Variants in NOS3 observed in about 807,000 individuals in gnomAD.
The protein encoded by NOS3 is NOS type III.
In NOS3, 98 loss-of-function variants were observed where a neutral mutation model predicts 144.9. That is an observed-to-expected ratio of 0.68 (90% CI 0.57 to 0.80). The LOEUF (loss-of-function observed/expected upper bound fraction) is 0.80, where lower values mean the gene tolerates loss of function less well. Ranked by LOEUF, NOS3 falls within the 30% of genes least tolerant of loss-of-function variation. The pLI is 0.00. For missense variants in NOS3, 1,465 were observed against 1,656.4 expected, an observed-to-expected ratio of 0.88 and a Z score of 2.01; for synonymous variants, 714 against 702.4, an observed-to-expected ratio of 1.02 and a Z score of -0.26.
chr7:150,994,859 A>G (rs1315027926), intron 2 of NOS3, among the ~76,000 whole-genome samples: 1 of 152,176 alleles, frequency 6.6e-6, no homozygotes, highest in Admixed American at 6.5e-5. Context: ...CCTCCACTCA[A>G]GCACCAGGCT....
Position 150,998,443 on chromosome 7 carries a change from C to G in NOS3, c.669C>G (p.Asn223Lys), listed in dbSNP as rs753279569. The G allele has an allele frequency of 6.2e-7, 1 of 1,612,300 alleles. No individual in the cohort carries two copies. The highest frequency in any genetic ancestry group is 2.2e-5 in the East Asian group (1 of 44,884). The change falls in exon 6 of 27, where the codon AAC (asparagine) becomes AAG (lysine). Residue 223 changes from asparagine to lysine, a missense_variant. This residue lies in a region of NOS3 where 374 missense variants were observed against 377.0 expected (regional missense o/e 0.99). Transcript: ENST00000297494. This position sits in a 1 kb window ranked among gnomAD's most constrained non-coding sequence, Gnocchi z 5.0. ...NHIKYATNRG[N>K]LRSAITVFPQ... ...TCAAGTATGCCACCAACCGGGGCAA[C>G]CTTCGGTGAGTGCCCCCCACCATGC...
chr7:151,010,820 G>A lies in NOS3; in HGVS notation c.2896+13G>A, dbSNP rs759356575. 3 of 1,608,238 alleles carry A rather than the reference G, an allele frequency of 1.9e-6. No homozygotes were observed. In the Admixed American group the frequency reaches 5.0e-5, roughly 27 times the overall value. ...TACAGGACTCAGGGTGAGGCAACAA[G>A]CAGGAGCAGGCCTGGCCACAGCAGG... On this transcript the variant is annotated intron_variant, in intron 22 of 26. Coordinates refer to ENST00000297494, the MANE Select transcript of NOS3 (RefSeq NM_000603.5).
Position 151,003,182 on chromosome 7 carries a change from G to A in NOS3, c.1752+878G>A, listed in dbSNP as rs756114629. On this transcript the variant is annotated intron_variant, in intron 14 of 26. Transcript: ENST00000297494. This position sits in a 1 kb window ranked among gnomAD's most constrained non-coding sequence, Gnocchi z 4.1. ...ACTTTGTGGCCCAGGCTGGAGTGCA[G>A]TAGTACAATCACGGCTCACTGCAGC... is the stretch of plus-strand genomic sequence containing the variant. 2 of 453,610 alleles carry A rather than the reference G, an allele frequency of 4.4e-6. No homozygotes were observed. Among genetic ancestry groups the A allele is most frequent in the South Asian group, 3.1e-5 (2 of 64,324 alleles). 28.1% of individuals were successfully genotyped at this position (453,610 alleles called of 1,614,324 possible). A position where few individuals can be genotyped will look rare whatever the true frequency, so the allele number is the denominator to read the frequency against.
chr7:151,012,706 G>A (rs1795332699), intron 24 of NOS3: 2 of 481,308 alleles, frequency 4.2e-6, no homozygotes, highest in Admixed American at 3.4e-5. Flanking sequence ...GAGGACAAAG[G>A]AAAATAGAAT....
chr7:151,008,731 G>A, intron 17 of NOS3, 199 bp from the exon 18 acceptor site: 1 of 583,142 alleles, frequency 1.7e-6, no homozygotes, highest in South Asian at 2.5e-5. Context: ...GACGTGCAGA[G>A]AAAGAGCCAG....
chr7:151,013,775 G>T lies in NOS3; in HGVS notation c.3307G>T (p.Val1103Leu). ...GGAGCTGGCTGCGGAGGTGCACCGC[G>T]TGCTGTGCCTCGAGCGGGGCCACAT... Reference protein sequence around the residue: ...RTELAAEVHRVLCLERGHMFV... With the variant: ...RTELAAEVHRLLCLERGHMFV... Residue 1103 changes from valine (V) to leucine (L), a missense_variant, in exon 26 of 27, where the codon GTG becomes TTG. Transcript: ENST00000297494. The T allele has an allele frequency of 6.2e-7, 1 of 1,611,642 alleles. No individual in the cohort carries two copies. Among genetic ancestry groups the T allele is most frequent in the Non-Finnish European group, 8.5e-7 (1 of 1,179,410 alleles).
intron 23 of NOS3, 140 bp from the exon 24 acceptor site, chr7:151,012,211 G>GTGGTTTTTTTTTTTTTTTT: frequency 1.4e-6 from 1 of 689,920 alleles, no homozygotes; most frequent in Non-Finnish European, 2.3e-6. Flanking sequence ...AAGTAGAGTT[G>GTGGTTTTTTTTTTTTTTTT]TTTTTTGTTT....
rs748988376 is a variant in NOS3 at position 150,999,324 on chromosome 7, C to T, written c.1091C>T (p.Thr364Met). The T allele has an allele frequency of 1.1e-5, 18 of 1,604,964 alleles. No individual in the cohort carries two copies. The East Asian group carries it at 1.3e-4, about 12-fold the overall frequency. Residue 364 changes from threonine (T) to methionine (M), a missense_variant, in exon 9 of 27, where the codon ACG (threonine) becomes ATG (methionine). Thr to Met is a moderately conservative substitution (Grantham distance 81). This residue lies in a region of NOS3 where 745 missense variants were observed against 853.9 expected (regional missense o/e 0.87). Coordinates refer to ENST00000297494, the MANE Select transcript of NOS3 (RefSeq NM_000603.5). Reference protein sequence around the residue: ...SGWYMSTEIGTRNLCDPHRYN... With the variant: ...SGWYMSTEIGMRNLCDPHRYN... ...TGGTACATGAGCACTGAGATCGGCA[C>T]GAGGAACCTGTGTGACCCTCACCGC...
chr7:150,992,147 T>TA (rs11371169), intron 1 of NOS3, among the ~76,000 whole-genome samples: 103,003 of 143,620 alleles, frequency 0.72, 37,616 homozygotes, highest in East Asian at 0.88. Flanking sequence ...AGACTCTGTC[T>TA]AAAAAAAAAA....
chr7:150,999,331 C>A lies in NOS3; in HGVS notation c.1098C>A (p.Asn366Lys), dbSNP rs1345105436. Residue 366 changes from asparagine (N) to lysine (K), a missense_variant, in exon 9 of 27, where the codon AAC (asparagine) becomes AAA (lysine). This residue lies in a region of NOS3 where 745 missense variants were observed against 853.9 expected (regional missense o/e 0.87). Coordinates refer to ENST00000297494, the MANE Select transcript of NOS3 (RefSeq NM_000603.5). ...WYMSTEIGTR[N>K]LCDPHRYNIL... Reference sequence around the variant, plus strand: ...TGAGCACTGAGATCGGCACGAGGAACCTGTGTGACCCTCACCGCTACAACA... The same window carrying A: ...TGAGCACTGAGATCGGCACGAGGAAACTGTGTGACCCTCACCGCTACAACA... 9 of 1,597,752 alleles carry A rather than the reference C, an allele frequency of 5.6e-6. No homozygotes were observed. Among genetic ancestry groups the A allele is most frequent in the African/African-American group, 1.3e-5 (1 of 74,400 alleles).
chr7:150,995,355 G>C, intron 3 of NOS3, 41 bp downstream of exon 3: 1 of 1,413,084 alleles, frequency 7.1e-7, no homozygotes, highest in Non-Finnish European at 9.9e-7. Flanking sequence ...TCCAGGGAAA[G>C]GGTGGGTAAG....
At chr7:151,013,203 G>A (rs201976867) in intron 24 of NOS3, 28 bp from the exon 25 acceptor site, 3 of 1,600,768 alleles carry the variant, frequency 1.9e-6, no homozygotes, top group South Asian at 2.2e-5. Context: ...CCGGAGAAGA[G>A]CCTTCCCAAG....
In NOS3 at chr7:151,003,521, T is replaced by C; in HGVS notation, c.1752+1217T>C. 1 of 1,263,284 alleles carries C rather than the reference T, an allele frequency of 7.9e-7. No individual in the cohort carries two copies. The highest frequency in any genetic ancestry group is 1.0e-6 in the Non-Finnish European group (1 of 967,382). The allele number at this position is 1,263,284 out of a possible 1,614,324, so 78.3% of individuals were successfully genotyped here. A position where few individuals can be genotyped will look rare whatever the true frequency, so the allele number is the denominator to read the frequency against. ...TTCTGACCTACCTTTTCAAGAAAAATAGCACCAGCAATTGACTTTTTTTTA... is the reference window on the plus strand; with the variant it reads ...TTCTGACCTACCTTTTCAAGAAAAACAGCACCAGCAATTGACTTTTTTTTA... On this transcript the variant is annotated intron_variant, in intron 14 of 26. Transcript: ENST00000297494. The surrounding 1 kb of genome is among the most constrained non-coding windows in gnomAD (Gnocchi z 4.1).
rs1291930138 is a variant in NOS3, at chr7:151,009,387, C to T, written c.2325-11C>T. 3.5e-6 allele frequency: 5 copies of T among 1,429,882 alleles called. No individual in the cohort carries two copies. Among genetic ancestry groups the T allele is most frequent in the Middle Eastern group, 3.6e-4 (2 of 5,514 alleles). 88.6% of individuals were successfully genotyped at this position (1,429,882 alleles called of 1,614,324 possible). A position where few individuals can be genotyped will look rare whatever the true frequency, so the allele number is the denominator to read the frequency against. ...CTGACTCCCCATAAGTGCCCCTCTCCCCACCCCCAGGAGGGCCACCATCCT... is the reference window on the plus strand; with the variant it reads ...CTGACTCCCCATAAGTGCCCCTCTCTCCACCCCCAGGAGGGCCACCATCCT... On this transcript the variant is annotated splice_polypyrimidine_tract_variant and intron_variant, in intron 19 of 26. Transcript: ENST00000297494.
At chr7:151,010,830 G>A (rs1465539744) in intron 22 of NOS3, 23 bp downstream of exon 22, 9 of 1,607,610 alleles carry the variant, frequency 5.6e-6, no homozygotes, top group Non-Finnish European at 7.6e-6. Context: ...GCAGGAGCAG[G>A]CCTGGCCACA....
rs570991376 is a variant in NOS3, at chr7:151,013,158, G to T, written c.3107-73G>T. On this transcript the variant is annotated intron_variant, in intron 24 of 26. Transcript: ENST00000297494. The stretch of plus-strand genomic sequence containing the variant: ...ACGCTGGGCTGCCAGGCTGGGCGAC[G>T]GTGGCCTGTGGGGAGGCCCCACTAG... 206 of 1,508,186 alleles carry T rather than the reference G, an allele frequency of 1.4e-4. 1 individual carries two copies. The African/African-American group carries it at 2.6e-3, about 19-fold the overall frequency. The allele number at this position is 1,508,186 out of a possible 1,614,324, so 93.4% of individuals were successfully genotyped here. A position where few individuals can be genotyped will look rare whatever the true frequency, so the allele number is the denominator to read the frequency against.
chr7:151,000,879 A>C (rs1795074015), intron 10 of NOS3, among the ~76,000 whole-genome samples: 1 of 152,160 alleles, frequency 6.6e-6, no homozygotes, highest in South Asian at 2.1e-4. Context: ...TGGGTATTGC[A>C]GTTTGTGGGA....
At chr7:151,006,817 TG>T in intron 15 of NOS3, 71 bp from the exon 16 acceptor site, 2 of 1,231,238 alleles carry the variant, frequency 1.6e-6, no homozygotes, top group Non-Finnish European at 2.4e-6. Context: ...AAGCCGTCCC[TG>T]GGGCTGGGGC....
intron 24 of NOS3, 159 bp downstream of exon 24, chr7:151,012,631 G>A (rs1408393393): frequency 2.4e-6 from 2 of 830,324 alleles, no homozygotes; most frequent in Non-Finnish European, 3.6e-6. Flanking sequence ...GGTACCAAAG[G>A]CAAGGGCTGG....
Sources: allele counts gnomAD v4.1 joint callset (sites outside exome capture counted in the v4.1 genomes callset), GRCh38; gene constraint gnomAD v4.1.1; regional missense constraint gnomAD v4.1.1; non-coding constraint Gnocchi (gnomAD v3.1); transcripts MANE v1.5; gene names NCBI Gene and HGNC (gene_info 2026-07-23, HGNC 2026-07-21).